GLRA1: variants seen among roughly 807,000 people sequenced by gnomAD.
GLRA1 encodes glycine receptor subunit alpha-1.
A neutral mutation model predicts 48.3 loss-of-function variants in GLRA1; 37 were observed. The observed-to-expected ratio is 0.77, with a 90% CI of 0.59 to 1.01. The LOEUF (loss-of-function observed/expected upper bound fraction) is 1.01. GLRA1 is among the 50% of genes least tolerant of loss of function. GLRA1 has a pLI of 0.00. For synonymous variants in GLRA1, 196 were observed against 210.7 expected (o/e 0.93, Z 0.60); for missense variants, 427 against 571.0 (o/e 0.75, Z 2.57).
At chr5:151,832,943 C>T (rs1318596826) in intron 7 of GLRA1, among the ~76,000 whole-genome samples, 4 of 152,146 alleles carry the variant, frequency 2.6e-5, no homozygotes, top group South Asian at 2.1e-4. Context: ...AGACTAATAG[C>T]GGATCTCTCG....
At chr5:151,883,704 T>C (rs770922236) in intron 3 of GLRA1, among the ~76,000 whole-genome samples, 1 of 152,270 alleles carries the variant, frequency 6.6e-6, no homozygotes, top group Non-Finnish European at 1.5e-5. Context: ...GCACTTTCCA[T>C]GCTTTATCTC....
At chr5:151,871,600 G>T (rs941505499) in intron 3 of GLRA1, among the ~76,000 whole-genome samples, 4 of 144,912 alleles carry the variant, frequency 2.8e-5, no homozygotes, top group Non-Finnish European at 5.9e-5. Context: ...TCGCTCTGTC[G>T]CCCAGGCTGG....
rs1038606700 is a variant in GLRA1, at chr5:151,845,677, A to G, written c.912+5713T>C. 6.6e-5 allele frequency among the ~76,000 whole-genome samples: 10 copies of G among 152,358 alleles called. No individual in the cohort carries two copies. The South Asian group carries it at 2.1e-3, about 32-fold the overall frequency. ...TTGGCAGTTCCTCAAAAAGTTAAGC[A>G]TGTAGTTAACATGTGACACAACAGT... is the stretch of plus-strand genomic sequence containing the variant. On this transcript the variant is annotated intron_variant, in intron 7 of 8. Transcript: ENST00000274576.
chr5:151,886,679 A>C, intron 3 of GLRA1, 42 bp downstream of exon 3: 2 of 1,337,592 alleles, frequency 1.5e-6, no homozygotes, highest in Non-Finnish European at 2.2e-6. Context: ...ATGGAGAGAT[A>C]TCTCCAGCAG....
At chr5:151,912,474 T>A (rs73287805) in intron 1 of GLRA1, among the ~76,000 whole-genome samples, 103 of 152,332 alleles carry the variant, frequency 6.8e-4, no homozygotes, top group African/African-American at 2.5e-3. Flanking sequence ...AGTTTGGACA[T>A]GCCCTGTCAG....
chr5:151,886,104 A>G (rs1753898486), intron 3 of GLRA1, among the ~76,000 whole-genome samples: 1 of 152,034 alleles, frequency 6.6e-6, no homozygotes, highest in Non-Finnish European at 1.5e-5. Context: ...GTTTTAAAAT[A>G]TCATTACACT....
At chr5:151,838,249 C>T (rs1763624610) in intron 7 of GLRA1, among the ~76,000 whole-genome samples, 2 of 152,114 alleles carry the variant, frequency 1.3e-5, no homozygotes, top group Non-Finnish European at 2.9e-5. Context: ...AGGTAGATCA[C>T]CTCAGGTCAG....
chr5:151,913,355 C>A (rs1754662749), intron 1 of GLRA1, among the ~76,000 whole-genome samples: 1 of 152,102 alleles, frequency 6.6e-6, no homozygotes, highest in Admixed American at 6.6e-5. Context: ...GGGAAGTTTT[C>A]CAGATTTATG....
chr5:151,892,092 T>C (rs1035060738), intron 2 of GLRA1, among the ~76,000 whole-genome samples: 10 of 152,200 alleles, frequency 6.6e-5, no homozygotes, highest in Non-Finnish European at 1.5e-4. Flanking sequence ...ACTTTTGGAC[T>C]CCTGGAAACC....
At chr5:151,866,016 G>A (rs1398246207) in intron 3 of GLRA1, among the ~76,000 whole-genome samples, 1 of 152,168 alleles carries the variant, frequency 6.6e-6, no homozygotes, top group Non-Finnish European at 1.5e-5. Flanking sequence ...GACATGCGGG[G>A]GGCCATGTTC....
intron 7 of GLRA1, among the ~76,000 whole-genome samples, chr5:151,844,943 T>A (rs1752629224): frequency 6.6e-6 from 1 of 152,182 alleles, no homozygotes; most frequent in Non-Finnish European, 1.5e-5. Flanking sequence ...GAAGCCATCA[T>A]GTGCAGAGAT....
At chr5:151,860,804 G>A (rs1014558432) in intron 3 of GLRA1, among the ~76,000 whole-genome samples, 6 of 152,124 alleles carry the variant, frequency 3.9e-5, no homozygotes, top group African/African-American at 1.4e-4. Flanking sequence ...GTATACATGT[G>A]CCATGTTGGT....
chr5:151,902,747 C>T (rs1754393043), intron 1 of GLRA1, among the ~76,000 whole-genome samples: 1 of 152,072 alleles, frequency 6.6e-6, no homozygotes, highest in African/African-American at 2.4e-5. Flanking sequence ...TTATGAAGTA[C>T]TGTACCAGGC....
At chr5:151,908,405 T>A (rs1181170940) in intron 1 of GLRA1, among the ~76,000 whole-genome samples, 2 of 152,212 alleles carry the variant, frequency 1.3e-5, no homozygotes, top group Non-Finnish European at 2.9e-5. Flanking sequence ...TACATTCTTT[T>A]TCCCTTCTGG....
At chr5:151,923,818 G>A (rs953311744) in intron 1 of GLRA1, among the ~76,000 whole-genome samples, 1 of 152,096 alleles carries the variant, frequency 6.6e-6, no homozygotes, top group African/African-American at 2.4e-5. Context: ...GGGGAAAGAG[G>A]CAGTCAAAGT....
chr5:151,826,620 C>T (rs952803152), intron 8 of GLRA1, among the ~76,000 whole-genome samples: 5 of 152,146 alleles, frequency 3.3e-5, no homozygotes, highest in Non-Finnish European at 7.3e-5. Context: ...GCTGAGGTAT[C>T]TTCAAAGGAG....
At chr5:151,824,141 G>A (rs930752772) in intron 8 of GLRA1, among the ~76,000 whole-genome samples, 2 of 151,174 alleles carry the variant, frequency 1.3e-5, no homozygotes, top group Admixed American at 6.6e-5. Context: ...TGTAGGGTAG[G>A]CCACCTTCTG....
At chr5:151,861,313 C>T (rs561886345) in intron 3 of GLRA1, among the ~76,000 whole-genome samples, 17 of 152,316 alleles carry the variant, frequency 1.1e-4, no homozygotes, top group African/African-American at 4.1e-4. Flanking sequence ...CTGTCTTCCA[C>T]AATGGTTGAA....
intron 3 of GLRA1, among the ~76,000 whole-genome samples, chr5:151,862,150 T>G (rs1205686935): frequency 6.6e-6 from 1 of 152,182 alleles, no homozygotes; most frequent in East Asian, 1.9e-4. Context: ...ATCTGATCTT[T>G]GACAAACCTG....
Sources: gnomAD v4.1 joint callset for allele counts (sites outside exome capture counted in the v4.1 genomes callset) on GRCh38, gnomAD v4.1.1 for gene constraint, MANE v1.5 for transcripts, NCBI Gene and HGNC (gene_info 2026-07-23, HGNC 2026-07-21) for gene names.